FAM110B: variants seen among roughly 807,000 people sequenced by gnomAD.
The protein encoded by FAM110B is protein FAM110B.
Under a neutral mutation model 20.4 loss-of-function variants are expected in FAM110B, and 6 were observed. That is an observed-to-expected ratio of 0.29 (90% CI 0.16 to 0.58). FAM110B has a LOEUF of 0.58. FAM110B is among the 20% of genes least tolerant of loss of function. FAM110B has a pLI of 0.90. For missense variants in FAM110B, 434 were observed against 498.2 expected, an observed-to-expected ratio of 0.87 and a Z score of 1.23; for synonymous variants, 226 against 214.1, an observed-to-expected ratio of 1.06 and a Z score of -0.49.
chr8:58,075,570 C>T lies in FAM110B; in HGVS notation c.-378C>T, dbSNP rs1806017839. 1 of 152,126 alleles carries T rather than the reference C, an allele frequency of 6.6e-6. No homozygotes were observed. The highest frequency in any genetic ancestry group is 2.1e-4 in the South Asian group (1 of 4,824). 9.4% of individuals were successfully genotyped at this position (152,126 alleles called of 1,614,324 possible). A position where few individuals can be genotyped will look rare whatever the true frequency, so the allele number is the denominator to read the frequency against. The stretch of plus-strand genomic sequence containing the variant: ...CTGCAGAGAGCATTTTAAGAAAGGA[C>T]AGCATTCCTGTGACCTCTGCCTACC... On this transcript the variant is annotated 5_prime_UTR_variant, in exon 3 of 4. Coordinates refer to ENST00000519262, the MANE Select transcript of FAM110B (RefSeq NM_001377989.1).
chr8:58,020,439 G>C (rs1309325446), intron 1 of FAM110B, among the ~76,000 whole-genome samples: 1 of 152,182 alleles, frequency 6.6e-6, no homozygotes, highest in African/African-American at 2.4e-5. Context: ...TTTCTCAAGA[G>C]TGCAAGCTCT....
At chr8:58,054,995 A>T (rs1375653240) in intron 2 of FAM110B, among the ~76,000 whole-genome samples, 1 of 152,110 alleles carries the variant, frequency 6.6e-6, no homozygotes, top group Non-Finnish European at 1.5e-5. Context: ...CCAAAGTGGT[A>T]CCATTTTTTA....
chr8:58,145,985 A>G lies in FAM110B; in HGVS notation c.-246A>G, dbSNP rs1803853725. The stretch of plus-strand genomic sequence containing the variant: ...GAGAAGAAAGGAGGCAGCGAAGCAG[A>G]TTAAAGGAACTTGTGGCTTGTGGCC... On this transcript the variant is annotated 5_prime_UTR_variant, in exon 4 of 4. Transcript: ENST00000519262. 4 of 465,868 alleles carry G rather than the reference A, an allele frequency of 8.6e-6. No individual in the cohort carries two copies. The highest frequency in any genetic ancestry group is 3.8e-5 in the Admixed American group (1 of 26,284). 28.9% of individuals were successfully genotyped at this position (465,868 alleles called of 1,614,324 possible).
chr8:58,036,191 G>A (rs1805071374), intron 2 of FAM110B, among the ~76,000 whole-genome samples: 1 of 152,196 alleles, frequency 6.6e-6, no homozygotes, highest in Non-Finnish European at 1.5e-5. Context: ...GGTTTTATCA[G>A]TGTCCTTTGC....
At chr8:58,092,856 C>G (rs1227340363) in intron 3 of FAM110B, among the ~76,000 whole-genome samples, 4 of 152,190 alleles carry the variant, frequency 2.6e-5, no homozygotes, top group Non-Finnish European at 5.9e-5. Context: ...AATTTACACT[C>G]CCACCAACAG....
chr8:58,013,968 G>C (rs1445671349), intron 1 of FAM110B, among the ~76,000 whole-genome samples: 2 of 152,154 alleles, frequency 1.3e-5, no homozygotes, highest in Admixed American at 1.3e-4. Context: ...AAGTGACTGG[G>C]ACATGGGCCT....
At chr8:58,106,505 T>G (rs1806922483) in intron 3 of FAM110B, among the ~76,000 whole-genome samples, 1 of 152,100 alleles carries the variant, frequency 6.6e-6, no homozygotes, top group Non-Finnish European at 1.5e-5. Context: ...GTAGAAGAAA[T>G]AGCTGATGGT....
At chr8:58,033,620 T>C (rs1805015839) in intron 2 of FAM110B, among the ~76,000 whole-genome samples, 1 of 152,086 alleles carries the variant, frequency 6.6e-6, no homozygotes, top group Non-Finnish European at 1.5e-5. Flanking sequence ...GCAGAGACAC[T>C]TCTCAAAAGG....
intron 2 of FAM110B, among the ~76,000 whole-genome samples, chr8:58,035,842 G>C (rs1055660348): frequency 6.6e-6 from 1 of 152,098 alleles, no homozygotes; most frequent in Non-Finnish European, 1.5e-5. Flanking sequence ...CGATGGGCTG[G>C]AGTCATCTGT....
chr8:58,098,139 C>G (rs931587868), intron 3 of FAM110B, among the ~76,000 whole-genome samples: 3 of 152,214 alleles, frequency 2.0e-5, no homozygotes, highest in African/African-American at 7.2e-5. Context: ...GAAGCTGCAC[C>G]CACAGCCACC....
intron 3 of FAM110B, among the ~76,000 whole-genome samples, chr8:58,111,872 C>T (rs1201500711): frequency 6.6e-6 from 1 of 152,136 alleles, no homozygotes; most frequent in Non-Finnish European, 1.5e-5. Context: ...ACTTTCTATA[C>T]CTTACTTAAC....
chr8:58,024,044 A>G (rs1241402745), intron 1 of FAM110B, among the ~76,000 whole-genome samples: 2 of 152,206 alleles, frequency 1.3e-5, no homozygotes, highest in African/African-American at 4.8e-5. Context: ...GGCATTTTCC[A>G]GAATTTCTAT....
At position 58,147,352 on chromosome 8, in the gene FAM110B, G is replaced by A. The variant is rs1222541886; in HGVS notation, c.*9G>A. The A allele has an allele frequency of 3.1e-6, 5 of 1,607,992 alleles. No individual in the cohort carries two copies. Among genetic ancestry groups the A allele is most frequent in the African/African-American group, 1.3e-5 (1 of 75,008 alleles). ...AGGTCTCCCATGTGTAAGACAGTGCGTGGAAAGGAGGGAGCGTGGGTCTCT... is the reference window on the plus strand; with the variant it reads ...AGGTCTCCCATGTGTAAGACAGTGCATGGAAAGGAGGGAGCGTGGGTCTCT... On this transcript the variant is annotated 3_prime_UTR_variant, in exon 4 of 4. Coordinates refer to ENST00000519262, the MANE Select transcript of FAM110B (RefSeq NM_001377989.1).
At chr8:58,085,799 A>G (rs940512912) in intron 3 of FAM110B, among the ~76,000 whole-genome samples, 1 of 152,186 alleles carries the variant, frequency 6.6e-6, no homozygotes, top group African/African-American at 2.4e-5. Flanking sequence ...GGGGTGGTTT[A>G]TCCCCCACTG....
intron 1 of FAM110B, among the ~76,000 whole-genome samples, chr8:58,029,195 C>T (rs544669172): frequency 1.1e-4 from 16 of 152,206 alleles, no homozygotes; most frequent in South Asian, 2.1e-4. Flanking sequence ...TGAAATTCTA[C>T]TTTCAAAACT....
At chr8:58,087,698 G>A (rs1806372638) in intron 3 of FAM110B, among the ~76,000 whole-genome samples, 2 of 152,022 alleles carry the variant, frequency 1.3e-5, no homozygotes, top group South Asian at 2.1e-4. Flanking sequence ...AGGCTGATGG[G>A]GATTGAGATT....
In FAM110B at chr8:58,146,782, A is replaced by G. The variant is rs1803877876; in HGVS notation, c.552A>G (p.Arg184=). The G allele has an allele frequency of 6.2e-7, 1 of 1,610,738 alleles. No individual in the cohort carries two copies. Among genetic ancestry groups the G allele is most frequent in the Non-Finnish European group, 8.5e-7 (1 of 1,178,226 alleles). The part of the protein sequence containing the change: ...PQEGGSHVGR[R]LLEQSAESFL... ...AGGGCGGCTCCCACGTGGGCAGGAG[A>G]CTGCTGGAGCAGTCAGCCGAGTCCT... Residue 184 remains arginine (R), a synonymous_variant, in exon 4 of 4, where the codon AGA becomes AGG. Coordinates refer to ENST00000519262, the MANE Select transcript of FAM110B (RefSeq NM_001377989.1).
intron 3 of FAM110B, among the ~76,000 whole-genome samples, chr8:58,119,373 TG>T (rs1807297502): frequency 6.6e-6 from 1 of 152,198 alleles, no homozygotes; most frequent in Non-Finnish European, 1.5e-5. Flanking sequence ...TGTCCTCGCA[TG>T]GGGGAAGGGA....
chr8:58,026,005 T>C (rs1804849115), intron 1 of FAM110B, among the ~76,000 whole-genome samples: 1 of 152,204 alleles, frequency 6.6e-6, no homozygotes, highest in South Asian at 2.1e-4. Context: ...TAGTGGGGGT[T>C]AGCAACACTA....
Sources: gnomAD v4.1 joint callset for allele counts (sites outside exome capture counted in the v4.1 genomes callset) on GRCh38, gnomAD v4.1.1 for gene constraint, MANE v1.5 for transcripts, NCBI Gene and HGNC (gene_info 2026-07-23, HGNC 2026-07-21) for gene names.